GCN1: variants seen among roughly 807,000 people sequenced by gnomAD.
The protein encoded by GCN1 is GCN1 activator of EIF2AK4.
A neutral mutation model predicts 288.4 loss-of-function variants in GCN1; 90 were observed. The observed-to-expected ratio is 0.31, with a 90% CI of 0.26 to 0.37. GCN1 has a LOEUF of 0.37. Ranked by LOEUF, GCN1 falls within the 10% of genes least tolerant of loss-of-function variation. The pLI is 1.00. For missense variants in GCN1, 2,586 were observed against 3,419.9 expected, an observed-to-expected ratio of 0.76 and a Z score of 6.08; for synonymous variants, 1,386 against 1,420.2, an observed-to-expected ratio of 0.98 and a Z score of 0.54.
chr12:120,150,809 C>A (rs1425019440), intron 34 of GCN1, among the ~76,000 whole-genome samples: 1 of 151,782 alleles, frequency 6.6e-6, no homozygotes, highest in Non-Finnish European at 1.5e-5. Context: ...TGGTGGCGGG[C>A]GCCTGTGGTC....
In GCN1 at chr12:120,156,660, C is replaced by A; in HGVS notation, c.3169-56G>T. On this transcript the variant is annotated intron_variant, in intron 27 of 57. Transcript: ENST00000300648. This position sits in a 1 kb window ranked among gnomAD's most constrained non-coding sequence, Gnocchi z 5.8. ...CAGCAACTCATTTACTACTAGGGGG[C>A]CAGAGAGGGATATGCACTGAGAACA... 6.4e-7 allele frequency: 1 copy of A among 1,567,034 alleles called. No homozygotes were observed. Among genetic ancestry groups the A allele is most frequent in the South Asian group, 1.1e-5 (1 of 88,824 alleles).
In GCN1 at chr12:120,148,051, C is replaced by T. The variant is rs531642914; in HGVS notation, c.4726+116G>A. The T allele has an allele frequency of 7.1e-6, 5 of 704,048 alleles. No individual in the cohort carries two copies. In the African/African-American group the frequency reaches 9.0e-5, roughly 13 times the overall value. The allele number at this position is 704,048 out of a possible 1,614,324, so 43.6% of individuals were successfully genotyped here. A position where few individuals can be genotyped will look rare whatever the true frequency, so the allele number is the denominator to read the frequency against. ...CTCAGTGTCCCTATTTCACTGTGAA[C>T]ATATTTGTCCTCGGAGGCAAAGATC... is the stretch of plus-strand genomic sequence containing the variant. On this transcript the variant is annotated intron_variant, in intron 37 of 57. Transcript: ENST00000300648.
At chr12:120,138,502 C>G (rs1877083781) in intron 46 of GCN1, 87 bp from the exon 47 acceptor site, 1 of 1,041,880 alleles carries the variant, frequency 9.6e-7, no homozygotes, top group African/African-American at 1.6e-5. Context: ...CCACTTGTTT[C>G]CCTCCCTCCT....
intron 53 of GCN1, among the ~76,000 whole-genome samples, chr12:120,133,068 T>C (rs529541674): frequency 7.9e-5 from 12 of 152,372 alleles, no homozygotes; most frequent in Non-Finnish European, 1.3e-4. Flanking sequence ...GACAGCAGAC[T>C]TTCCTGTCTG....
intron 2 of GCN1, among the ~76,000 whole-genome samples, chr12:120,187,609 T>C (rs1594291244): frequency 6.6e-6 from 1 of 152,062 alleles, no homozygotes; most frequent in Non-Finnish European, 1.5e-5. Context: ...ACTTTTTTTT[T>C]TGACACAGGG....
chr12:120,173,573 A>T, intron 14 of GCN1, 80 bp downstream of exon 14: 1 of 801,052 alleles, frequency 1.2e-6, no homozygotes. Context: ...TAACAGGGAA[A>T]GCGGGAACAC....
chr12:120,166,918 G>C (rs1333941576), intron 16 of GCN1, among the ~76,000 whole-genome samples: 1 of 151,914 alleles, frequency 6.6e-6, no homozygotes, highest in Non-Finnish European at 1.5e-5. Context: ...GGAAGCTGAG[G>C]TGGGAGGACC....
At chr12:120,161,413 T>C (rs1877921283) in intron 22 of GCN1, 77 bp downstream of exon 22, 2 of 866,050 alleles carry the variant, frequency 2.3e-6, no homozygotes, top group Non-Finnish European at 4.0e-6. Context: ...GAACAGCATA[T>C]GTGCAGTGGG....
intron 38 of GCN1, among the ~76,000 whole-genome samples, chr12:120,145,959 T>C (rs1877347045): frequency 6.6e-6 from 1 of 152,202 alleles, no homozygotes; most frequent in Admixed American, 6.5e-5. Context: ...CATTTTTAAA[T>C]GTAATTTTAA....
In GCN1 at chr12:120,136,717, G is replaced by GTT; in HGVS notation, c.6792_6793insAA (p.Leu2265AsnfsTer10). On this transcript the variant is annotated frameshift_variant, in exon 51 of 58. Coordinates refer to ENST00000300648, the MANE Select transcript of GCN1 (RefSeq NM_006836.2). LOFTEE classifies it high-confidence loss of function. Reference sequence around the variant, plus strand: ...AGGACTCCTTCCCGCAACACTGGAAGGATGGAGGTCACTCCCTGACAAGAG... The same window carrying GTT: ...AGGACTCCTTCCCGCAACACTGGAAGTTGATGGAGGTCACTCCCTGACAAGAG... 6.2e-7 allele frequency: 1 copy of GTT among 1,613,364 alleles called. No individual in the cohort carries two copies. The highest frequency in any genetic ancestry group is 8.5e-7 in the Non-Finnish European group (1 of 1,179,596).
At position 120,145,117 on chromosome 12, in the gene GCN1, A is replaced by C. The variant is rs959033691; in HGVS notation, c.5017-56T>G. ...GAGAAGATGAGGCTCAAAACAAGGT[A>C]GCCACATGGGAGCAGGAAGGGGCAC... On this transcript the variant is annotated intron_variant, in intron 39 of 57. Coordinates refer to ENST00000300648, the MANE Select transcript of GCN1 (RefSeq NM_006836.2). 6.2e-6 allele frequency: 10 copies of C among 1,609,060 alleles called. No individual in the cohort carries two copies. In the Admixed American group the frequency reaches 1.3e-4, roughly 21 times the overall value.
At chr12:120,136,811 TG>T (rs1877019578) in intron 50 of GCN1, 79 bp from the exon 51 acceptor site, 1 of 1,001,910 alleles carries the variant, frequency 1.0e-6, no homozygotes, top group Non-Finnish European at 1.5e-6. Flanking sequence ...AAAGTGGTCC[TG>T]ACAGCTGTCC....
At position 120,158,524 on chromosome 12, in the gene GCN1, C is replaced by T. The variant is rs1877825578; in HGVS notation, c.2841G>A (p.Val947=). The T allele has an allele frequency of 4.4e-6, 7 of 1,584,772 alleles. No homozygotes were observed. The highest frequency in any genetic ancestry group is 6.0e-6 in the Non-Finnish European group (7 of 1,165,048). Residue 947 remains valine (V), a synonymous_variant, in exon 25 of 58, where the codon GTG becomes GTA. Transcript: ENST00000300648. The surrounding 1 kb of genome is among the most constrained non-coding windows in gnomAD (Gnocchi z 4.3). ...TGTGCAGCAGCATCACCGCCCTCTT[C>T]ACAGCCACCGACAGCTCTTCCTGGC... ...SWCQEELSVA[V]KRAVMLLHTH... is the part of the protein sequence containing the mutation.
Position 120,142,452 on chromosome 12 carries a change from G to A in GCN1, c.5829+55C>T. The stretch of plus-strand genomic sequence containing the variant: ...AGGCTCTGCAGACCCAGCCTTCTAG[G>A]CTCTGAAAGGAGGCACTGGGGCTGC... On this transcript the variant is annotated intron_variant, in intron 44 of 57. Transcript: ENST00000300648. This position sits in a 1 kb window ranked among gnomAD's most constrained non-coding sequence, Gnocchi z 4.9. The A allele has an allele frequency of 7.6e-7, 1 of 1,317,740 alleles. No homozygotes were observed. Among genetic ancestry groups the A allele is most frequent in the African/African-American group, 1.4e-5 (1 of 69,398 alleles). 81.6% of individuals were successfully genotyped at this position (1,317,740 alleles called of 1,614,324 possible). A position where few individuals can be genotyped will look rare whatever the true frequency, so the allele number is the denominator to read the frequency against.
In GCN1 at chr12:120,147,118, A is replaced by C. The variant is rs1339721238; in HGVS notation, c.4881T>G (p.Arg1627=). The C allele has an allele frequency of 6.2e-7, 1 of 1,606,848 alleles. No individual in the cohort carries two copies. Among genetic ancestry groups the C allele is most frequent in the Admixed American group, 1.7e-5 (1 of 59,566 alleles). Residue 1627 remains arginine (R), a synonymous_variant, in exon 38 of 58, where the codon CGT becomes CGG. Transcript: ENST00000300648. The part of the protein sequence containing the change: ...MPIVQRAFQD[R]STDTRKMAAQ... ...CTGCCATCTTCCGCGTGTCCGTGGA[A>C]CGGTCCTGGAAGGCTCTCTGGACAA...
chr12:120,177,597 C>G (rs780855471), intron 8 of GCN1, 42 bp from the exon 9 acceptor site: 8 of 1,546,320 alleles, frequency 5.2e-6, no homozygotes, highest in South Asian at 1.1e-5. Flanking sequence ...CTCATGGGAA[C>G]GGACCAAGAA....
chr12:120,133,186 G>A (rs1177012472), intron 53 of GCN1, among the ~76,000 whole-genome samples: 2 of 152,180 alleles, frequency 1.3e-5, no homozygotes, highest in Non-Finnish European at 2.9e-5. Flanking sequence ...TGTTGCAGGT[G>A]TGGGCAGGAG....
rs1374031859 is a variant in GCN1 at position 120,165,050 on chromosome 12, TA to T, written c.1613-330del. 1.9e-3 allele frequency among the ~76,000 whole-genome samples: 276 copies of T among 144,672 alleles called. 2 individuals are homozygous for T. Among genetic ancestry groups the T allele is most frequent in the African/African-American group, 5.3e-3 (200 of 37,456 alleles). The allele number at this position is 144,672 out of a possible 152,430, so 94.9% of individuals were successfully genotyped here. ...ACACACACACACATATATATATATATATTTTTTTTTTTGAGAGACAGTCACG... is the reference window on the plus strand; with the variant it reads ...ACACACACACACATATATATATATATTTTTTTTTTTTGAGAGACAGTCACG... On this transcript the variant is annotated intron_variant, in intron 16 of 57. Transcript: ENST00000300648.
rs1877042858 is a variant in GCN1 at position 120,137,386 on chromosome 12, GGGGAAAGCGT to G, written c.6664-77_6664-68del. ...TCAAGACTGCTTCCAAAGAATATATGGGGAAAGCGTGGGCGGGAGTATAAACAAGACTTGC... is the reference window on the plus strand; with the variant it reads ...TCAAGACTGCTTCCAAAGAATATATGGGGCGGGAGTATAAACAAGACTTGC... On this transcript the variant is annotated intron_variant, in intron 49 of 57. Transcript: ENST00000300648. This position sits in a 1 kb window ranked among gnomAD's most constrained non-coding sequence, Gnocchi z 5.2. The G allele has an allele frequency of 1.4e-6, 2 of 1,457,752 alleles. No homozygotes were observed. Among genetic ancestry groups the G allele is most frequent in the Non-Finnish European group, 1.9e-6 (2 of 1,040,684 alleles). 90.3% of individuals were successfully genotyped at this position (1,457,752 alleles called of 1,614,324 possible). A position where few individuals can be genotyped will look rare whatever the true frequency, so the allele number is the denominator to read the frequency against.
Sources: allele counts gnomAD v4.1 joint callset (sites outside exome capture counted in the v4.1 genomes callset), GRCh38; gene constraint gnomAD v4.1.1; non-coding constraint Gnocchi (gnomAD v3.1); transcripts MANE v1.5; gene names NCBI Gene and HGNC (gene_info 2026-07-23, HGNC 2026-07-21).